PCDHA5: variants seen among roughly 807,000 people sequenced by gnomAD.
PCDHA5 encodes protocadherin alpha 5.
In PCDHA5, 43 loss-of-function variants were observed where a neutral mutation model predicts 61.6. The observed-to-expected ratio is 0.70, with a 90% CI of 0.55 to 0.90. PCDHA5 has a LOEUF of 0.90. Among genes scored for constraint, PCDHA5 ranks in the 40% least tolerant of loss-of-function variants. The pLI is 0.00. For synonymous variants in PCDHA5, 627 were observed against 543.9 expected, an observed-to-expected ratio of 1.15 and a Z score of -2.13; for missense variants, 1,298 against 1,222.7, an observed-to-expected ratio of 1.06 and a Z score of -0.92.
At chr5:140,984,869 T>C (rs1587042657) in intron 3 of PCDHA5, among the ~76,000 whole-genome samples, 1 of 152,174 alleles carries the variant, frequency 6.6e-6, no homozygotes, top group East Asian at 1.9e-4. Flanking sequence ...ACCTATTTTA[T>C]TGAGTTACCA....
chr5:140,968,465 G>A lies in PCDHA5; in HGVS notation c.2353-10484G>A, dbSNP rs782606184. On this transcript the variant is annotated intron_variant, in intron 1 of 3. Coordinates refer to ENST00000529859, the MANE Select transcript of PCDHA5 (RefSeq NM_018908.3). ...ACTGAGCAGCACTGTGACTGCCAACGTATATGTGGTGGACATGAATGACCA... is the reference window on the plus strand; with the variant it reads ...ACTGAGCAGCACTGTGACTGCCAACATATATGTGGTGGACATGAATGACCA... 78 of 1,614,004 alleles carry A rather than the reference G, an allele frequency of 4.8e-5. No individual in the cohort carries two copies. Among genetic ancestry groups the A allele is most frequent in the Non-Finnish European group, 6.1e-5 (72 of 1,180,028 alleles).
At chr5:140,843,497 C>A in intron 1 of PCDHA5, 1 of 1,596,022 alleles carries the variant, frequency 6.3e-7, no homozygotes, top group Non-Finnish European at 8.6e-7. Context: ...GTGCTCAGCA[C>A]TGCCCACTGA....
chr5:140,932,790 A>G (rs917083739), intron 1 of PCDHA5, among the ~76,000 whole-genome samples: 21 of 152,066 alleles, frequency 1.4e-4, no homozygotes, highest in African/African-American at 5.1e-4. Flanking sequence ...GACATAAGAG[A>G]AAAGCAATAC....
At chr5:140,840,775 T>C (rs1318625823) in intron 1 of PCDHA5, among the ~76,000 whole-genome samples, 1 of 152,052 alleles carries the variant, frequency 6.6e-6, no homozygotes, top group Non-Finnish European at 1.5e-5. Flanking sequence ...GTAGAAAAGT[T>C]AGAATTATAT....
chr5:140,842,517 C>T (rs2150337878), intron 1 of PCDHA5: 7 of 1,613,506 alleles, frequency 4.3e-6, no homozygotes, highest in South Asian at 1.1e-5. Context: ...AAGCTGGTGT[C>T]CACCTTCAAG....
chr5:141,002,673 C>T (rs2098090242), intron 3 of PCDHA5, among the ~76,000 whole-genome samples: 3 of 152,180 alleles, frequency 2.0e-5, no homozygotes, highest in Admixed American at 2.0e-4. Context: ...GGACCAAAAC[C>T]TATACGACGT....
At position 140,850,006 on chromosome 5, in the gene PCDHA5, T is replaced by A. The variant is rs2150463121; in HGVS notation, c.2352+25879T>A. On this transcript the variant is annotated intron_variant, in intron 1 of 3. Coordinates refer to ENST00000529859, the MANE Select transcript of PCDHA5 (RefSeq NM_018908.3). ...GAGCGGCGGTTGGGCGAGCGCTCGC[T>A]GTCGAGCTACGTGTCAGTGCACGCG... is the stretch of plus-strand genomic sequence containing the variant. The A allele has an allele frequency of 2.5e-6, 4 of 1,596,854 alleles. No homozygotes were observed. In the African/African-American group the frequency reaches 5.4e-5, roughly 21 times the overall value.
chr5:140,990,869 G>A (rs2097420316), intron 3 of PCDHA5, among the ~76,000 whole-genome samples: 3 of 152,192 alleles, frequency 2.0e-5, no homozygotes, highest in African/African-American at 4.8e-5. Context: ...TGTATTTTAA[G>A]TGTATGTTCC....
chr5:140,999,594 A>G (rs1279617761), intron 3 of PCDHA5, among the ~76,000 whole-genome samples: 25 of 152,186 alleles, frequency 1.6e-4, no homozygotes, highest in Admixed American at 1.4e-3. Flanking sequence ...TGCCTTCCCT[A>G]CATCCTGGGG....
intron 1 of PCDHA5, chr5:140,824,407 A>G (rs1768108209): frequency 1.9e-6 from 1 of 536,144 alleles, no homozygotes; most frequent in East Asian, 3.1e-5. Context: ...TAATTGTAAG[A>G]CATAGTTTGG....
At chr5:140,971,370 G>C (rs2096473492) in intron 1 of PCDHA5, among the ~76,000 whole-genome samples, 3 of 152,194 alleles carry the variant, frequency 2.0e-5, no homozygotes, top group African/African-American at 7.2e-5. Flanking sequence ...CCAGGAGAGT[G>C]CATGACTTTA....
intron 1 of PCDHA5, chr5:140,875,357 C>T: frequency 1.4e-6 from 2 of 1,446,712 alleles, no homozygotes; most frequent in South Asian, 1.5e-5. Flanking sequence ...GACTGTGATG[C>T]TGGAAAAAAT....
intron 1 of PCDHA5, among the ~76,000 whole-genome samples, chr5:140,952,645 G>A (rs1396823510): frequency 6.6e-6 from 1 of 152,082 alleles, no homozygotes; most frequent in Non-Finnish European, 1.5e-5. Context: ...ACCTGTGCCT[G>A]GTTACCCAGT....
intron 1 of PCDHA5, chr5:140,968,812 T>C (rs782711806): frequency 6.2e-7 from 1 of 1,614,064 alleles, no homozygotes; most frequent in Non-Finnish European, 8.5e-7. Context: ...CTGTGGTGGA[T>C]AGGGTTTCCA....
intron 1 of PCDHA5, chr5:140,842,529 A>C (rs1323450768): frequency 6.2e-7 from 1 of 1,613,050 alleles, no homozygotes; most frequent in East Asian, 2.2e-5. Context: ...ACCTTCAAGA[A>C]TTACTACTCG....
At chr5:140,967,792 A>G (rs371669028) in intron 1 of PCDHA5, 4 of 1,614,212 alleles carry the variant, frequency 2.5e-6, no homozygotes, top group Non-Finnish European at 3.4e-6. Context: ...ACCGGGGTCC[A>G]GTGCCCATGG....
At chr5:140,829,437 A>G in intron 1 of PCDHA5, 1 of 1,614,082 alleles carries the variant, frequency 6.2e-7, no homozygotes, top group Non-Finnish European at 8.5e-7. Flanking sequence ...GCCGACATGA[A>G]TGACAATGCT....
At chr5:140,828,037 A>G (rs1320523383) in intron 1 of PCDHA5, 4 of 1,539,206 alleles carry the variant, frequency 2.6e-6, no homozygotes, top group African/African-American at 1.4e-5. Context: ...AACATACAGT[A>G]TTTTATCTTT....
intron 1 of PCDHA5, among the ~76,000 whole-genome samples, chr5:140,921,352 T>C (rs889434892): frequency 6.6e-6 from 1 of 152,190 alleles, no homozygotes; most frequent in Non-Finnish European, 1.5e-5. Context: ...TATATTTGCC[T>C]ATATTCAAGT....
Sources: gnomAD v4.1 joint callset for allele counts (sites outside exome capture counted in the v4.1 genomes callset) on GRCh38, gnomAD v4.1.1 for gene constraint, MANE v1.5 for transcripts, NCBI Gene and HGNC (gene_info 2026-07-23, HGNC 2026-07-21) for gene names.